The following SPIDR variants were observed in gnomAD, a reference collection of about 807,000 sequenced individuals.
SPIDR encodes the protein scaffold protein involved in DNA repair, also known as DNA repair-scaffolding protein.
SPIDR carries 93 observed loss-of-function variants against 104.6 expected under a neutral mutation model. The observed-to-expected ratio is 0.89, with a 90% CI of 0.75 to 1.06. The LOEUF is 1.06. Among genes scored for constraint, SPIDR ranks in the 50% least tolerant of loss-of-function variants. The pLI, the probability that SPIDR is intolerant of heterozygous loss-of-function variation, is 0.00. For missense variants in SPIDR, 1,154 were observed against 1,111.2 expected (o/e 1.04, Z -0.55); for synonymous variants, 431 against 416.9 (o/e 1.03, Z -0.41).
At chr8:47,650,866 T>TTAATCATGGGTA (rs1488345463) in intron 10 of SPIDR, among the ~76,000 whole-genome samples, 2 of 152,152 alleles carry the variant, frequency 1.3e-5, no homozygotes, top group African/African-American at 2.4e-5. Flanking sequence ...GACACCCTAT[T>TTAATCATGGGTA]TAATCATTGG....
chr8:47,427,317 T>C (rs1325065168), intron 7 of SPIDR, among the ~76,000 whole-genome samples: 2 of 150,786 alleles, frequency 1.3e-5, no homozygotes, highest in African/African-American at 4.8e-5. Context: ...TTTTTTTTTT[T>C]TAAATATGCC....
chr8:47,286,508 G>A (rs941913569), intron 3 of SPIDR, among the ~76,000 whole-genome samples: 2 of 152,124 alleles, frequency 1.3e-5, no homozygotes, highest in Non-Finnish European at 2.9e-5. Context: ...CAGGAGTTTG[G>A]GGCTGCAGTG....
chr8:47,689,421 A>G (rs1263420021), intron 11 of SPIDR, among the ~76,000 whole-genome samples: 3 of 152,236 alleles, frequency 2.0e-5, no homozygotes, highest in African/African-American at 7.2e-5. Flanking sequence ...CAGGCCAATT[A>G]GGTCCGTTTT....
At chr8:47,362,502 A>G (rs2056236835) in intron 5 of SPIDR, among the ~76,000 whole-genome samples, 1 of 152,150 alleles carries the variant, frequency 6.6e-6, no homozygotes, top group Admixed American at 6.5e-5. Flanking sequence ...GGTATGCCAG[A>G]TCTCTGCCAG....
At chr8:47,699,372 G>A (rs2079812589) in intron 11 of SPIDR, among the ~76,000 whole-genome samples, 2 of 152,118 alleles carry the variant, frequency 1.3e-5, no homozygotes, top group African/African-American at 4.8e-5. Flanking sequence ...TGTATAAAAG[G>A]CAGAGCTTAA....
intron 8 of SPIDR, among the ~76,000 whole-genome samples, chr8:47,539,314 T>C (rs1391720322): frequency 6.6e-6 from 1 of 152,188 alleles, no homozygotes; most frequent in Non-Finnish European, 1.5e-5. Flanking sequence ...CCATCATATG[T>C]AAGTCCTTTC....
chr8:47,700,248 T>C (rs2079968328), intron 11 of SPIDR, among the ~76,000 whole-genome samples, 155 bp from the exon 12 acceptor site: 1 of 152,232 alleles, frequency 6.6e-6, no homozygotes, highest in Admixed American at 6.5e-5. Context: ...TCCATCTGTC[T>C]GTGTGCCTTC....
Position 47,506,235 on chromosome 8 carries a change from G to A in SPIDR, c.1097+65693G>A, listed in dbSNP as rs1369258929. Among the ~76,000 whole-genome samples the A allele has an allele frequency of 2.0e-5, 3 of 152,302 alleles. No homozygotes were observed. The East Asian group carries it at 5.8e-4, about 29-fold the overall frequency. The stretch of plus-strand genomic sequence containing the variant: ...AGCTACTAGACAGTTCAGCACAAAT[G>A]CTGCTATTTCAGCTGCATGTTTGTG... On this transcript the variant is annotated intron_variant, in intron 8 of 19. Coordinates refer to ENST00000297423, the MANE Select transcript of SPIDR (RefSeq NM_001080394.4).
chr8:47,423,725 A>C (rs2065957512), intron 7 of SPIDR, among the ~76,000 whole-genome samples: 1 of 152,248 alleles, frequency 6.6e-6, no homozygotes, highest in South Asian at 2.1e-4. Flanking sequence ...CAGATCATGC[A>C]GGGCCTGGAG....
chr8:47,375,752 A>G (rs1204965043), intron 5 of SPIDR, among the ~76,000 whole-genome samples: 1 of 152,112 alleles, frequency 6.6e-6, no homozygotes, highest in African/African-American at 2.4e-5. Context: ...TGTGCCCAGA[A>G]ATGTCTTGTT....
At chr8:47,379,318 G>A (rs907744335) in intron 5 of SPIDR, among the ~76,000 whole-genome samples, 5 of 152,180 alleles carry the variant, frequency 3.3e-5, no homozygotes, top group Non-Finnish European at 4.4e-5. Flanking sequence ...AGGAGTGGGC[G>A]GATGGCTTGA....
intron 5 of SPIDR, among the ~76,000 whole-genome samples, chr8:47,371,775 A>G (rs117523562): frequency 1.1e-4 from 17 of 152,354 alleles, no homozygotes; most frequent in African/African-American, 1.7e-4. Flanking sequence ...CACATAGTGC[A>G]TTGCTTCAAA....
chr8:47,505,672 G>A (rs1186964217), intron 8 of SPIDR, among the ~76,000 whole-genome samples: 1 of 152,186 alleles, frequency 6.6e-6, no homozygotes, highest in African/African-American at 2.4e-5. Flanking sequence ...ACCTCAGTTG[G>A]AAATGCAGAA....
chr8:47,436,257 T>A (rs1271752556), intron 7 of SPIDR, among the ~76,000 whole-genome samples: 5 of 152,228 alleles, frequency 3.3e-5, no homozygotes, highest in Non-Finnish European at 5.9e-5. Context: ...AATAGTTGCT[T>A]CTGGCTGGGA....
intron 5 of SPIDR, among the ~76,000 whole-genome samples, chr8:47,345,476 A>G (rs1410788159): frequency 1.3e-5 from 2 of 151,992 alleles, no homozygotes; most frequent in African/African-American, 2.4e-5. Flanking sequence ...GAACGCTAAA[A>G]CACTTTTTTT....
At chr8:47,714,478 G>A (rs2082296340) in intron 16 of SPIDR, among the ~76,000 whole-genome samples, 1 of 152,148 alleles carries the variant, frequency 6.6e-6, no homozygotes, top group Admixed American at 6.5e-5. Context: ...TGAGTCTGGA[G>A]CTGAAAATAG....
chr8:47,691,290 CAA>C (rs60147394), intron 11 of SPIDR, among the ~76,000 whole-genome samples: 95 of 86,608 alleles, frequency 1.1e-3, no homozygotes, highest in East Asian at 2.2e-3. Context: ...GACTCCGTCT[CAA>C]AAAAAAAAAA....
At chr8:47,667,233 A>T (rs2075070507) in intron 10 of SPIDR, among the ~76,000 whole-genome samples, 1 of 152,088 alleles carries the variant, frequency 6.6e-6, no homozygotes, top group Non-Finnish European at 1.5e-5. Flanking sequence ...GTGACCCGAG[A>T]TCATGCCATT....
At chr8:47,454,749 T>A (rs2154350388) in intron 8 of SPIDR, among the ~76,000 whole-genome samples, 1 of 152,192 alleles carries the variant, frequency 6.6e-6, no homozygotes, top group South Asian at 2.1e-4. Context: ...ATCTATAGCC[T>A]CAATGACTTG....
Sources: gnomAD v4.1 joint callset for allele counts (sites outside exome capture counted in the v4.1 genomes callset) on GRCh38, gnomAD v4.1.1 for gene constraint, MANE v1.5 for transcripts, NCBI Gene and HGNC (gene_info 2026-07-23, HGNC 2026-07-21) for gene names.